ETV6: variants seen among roughly 807,000 people sequenced by gnomAD.
ETV6 encodes ETS variant transcription factor 6, also known as transcription factor ETV6.
In ETV6, 16 loss-of-function variants were observed where a neutral mutation model predicts 51.1. That is an observed-to-expected ratio of 0.31 (90% CI 0.21 to 0.48). The LOEUF (loss-of-function observed/expected upper bound fraction) is 0.48, where lower values mean the gene tolerates loss of function less well. Ranked by LOEUF, ETV6 falls within the 20% of genes least tolerant of loss-of-function variation. ETV6 has a pLI of 0.99. For synonymous variants in ETV6, 240 were observed against 224.1 expected (o/e 1.07, Z -0.64); for missense variants, 458 against 594.8 (o/e 0.77, Z 2.39).
chr12:11,757,511 T>G (rs1369151204), intron 2 of ETV6, among the ~76,000 whole-genome samples: 1 of 152,130 alleles, frequency 6.6e-6, no homozygotes, highest in Non-Finnish European at 1.5e-5. Context: ...GCGCTCATAC[T>G]TATTGTCTCA....
intron 1 of ETV6, among the ~76,000 whole-genome samples, chr12:11,669,089 T>G (rs1420424120): frequency 6.6e-6 from 1 of 152,260 alleles, no homozygotes; most frequent in African/African-American, 2.4e-5. Flanking sequence ...AAAGTTTTCC[T>G]TAAACTTGCT....
chr12:11,752,042 A>T (rs1247208405), intron 1 of ETV6, among the ~76,000 whole-genome samples: 2 of 152,246 alleles, frequency 1.3e-5, no homozygotes, highest in Non-Finnish European at 2.9e-5. Context: ...TTGCTACAGA[A>T]GAGAAAACAT....
At chr12:11,685,279 C>A (rs529502679) in intron 1 of ETV6, among the ~76,000 whole-genome samples, 1 of 146,404 alleles carries the variant, frequency 6.8e-6, no homozygotes, top group Non-Finnish European at 1.5e-5. Flanking sequence ...ACCTTTTGGT[C>A]GATTTGTTGA....
chr12:11,801,015 A>G (rs941302757), intron 2 of ETV6, among the ~76,000 whole-genome samples: 2 of 152,244 alleles, frequency 1.3e-5, no homozygotes, highest in African/African-American at 4.8e-5. Context: ...AAGTAGTATA[A>G]TTACATCATG....
At chr12:11,658,858 A>G (rs1242064019) in intron 1 of ETV6, among the ~76,000 whole-genome samples, 1 of 152,272 alleles carries the variant, frequency 6.6e-6, no homozygotes, top group Non-Finnish European at 1.5e-5. Flanking sequence ...GAGATGAAAG[A>G]AAAGGAAAAA....
chr12:11,743,815 A>G (rs1865855875), intron 1 of ETV6, among the ~76,000 whole-genome samples: 1 of 152,130 alleles, frequency 6.6e-6, no homozygotes, highest in Admixed American at 6.5e-5. Flanking sequence ...TTCCTTTTAC[A>G]AGACTTCCAG....
chr12:11,848,936 G>A (rs1162807628), intron 3 of ETV6, among the ~76,000 whole-genome samples: 3 of 152,204 alleles, frequency 2.0e-5, no homozygotes, highest in African/African-American at 7.2e-5. Context: ...TGGGAAGAGA[G>A]AGAAGATTTA....
At chr12:11,846,509 A>T (rs1310133325) in intron 3 of ETV6, among the ~76,000 whole-genome samples, 3 of 152,360 alleles carry the variant, frequency 2.0e-5, no homozygotes, top group Non-Finnish European at 2.9e-5. Context: ...TTCTGAGAAC[A>T]AGTAGCGTAT....
intron 1 of ETV6, among the ~76,000 whole-genome samples, chr12:11,736,038 AGTT>A (rs1237600060): frequency 6.6e-6 from 1 of 152,242 alleles, no homozygotes; most frequent in African/African-American, 2.4e-5. Flanking sequence ...GTCACATAGT[AGTT>A]GACAATAAAT....
chr12:11,726,881 C>T (rs1865498149), intron 1 of ETV6, among the ~76,000 whole-genome samples: 1 of 152,188 alleles, frequency 6.6e-6, no homozygotes, highest in African/African-American at 2.4e-5. Flanking sequence ...TGTAAGCCAT[C>T]GACACACACA....
intron 5 of ETV6, among the ~76,000 whole-genome samples, chr12:11,879,398 GT>G (rs1202850612): frequency 2.0e-5 from 3 of 152,058 alleles, no homozygotes; most frequent in Non-Finnish European, 4.4e-5. Flanking sequence ...GTCTAGCGTG[GT>G]TTTTTTCTTT....
intron 1 of ETV6, among the ~76,000 whole-genome samples, chr12:11,694,336 G>A (rs1279410256): frequency 2.6e-5 from 4 of 152,196 alleles, no homozygotes; most frequent in East Asian, 1.9e-4. Flanking sequence ...TAAGGGCTAT[G>A]TAAGATGTAA....
At chr12:11,723,394 C>A (rs1434437632) in intron 1 of ETV6, among the ~76,000 whole-genome samples, 1 of 152,178 alleles carries the variant, frequency 6.6e-6, no homozygotes, top group Non-Finnish European at 1.5e-5. Flanking sequence ...TTTCCCATGT[C>A]CTGCTTGCCT....
chr12:11,869,875 CCT>C lies in ETV6; in HGVS notation c.921_922del (p.His308SerfsTer18), dbSNP rs962863191. 1 of 1,612,932 alleles carries C rather than the reference CCT, an allele frequency of 6.2e-7. No homozygotes were observed. Among genetic ancestry groups the C allele is most frequent in the Non-Finnish European group, 8.5e-7 (1 of 1,180,050 alleles). On this transcript the variant is annotated frameshift_variant, in exon 5 of 8. Coordinates refer to ENST00000396373, the MANE Select transcript of ETV6 (RefSeq NM_001987.5). LOFTEE classifies it high-confidence loss of function. The surrounding 1 kb of genome is among the most constrained non-coding windows in gnomAD (Gnocchi z 5.0). ...TGCATAGGGAAGGGAAGCCCATCAA[CCT>C]CTCTCATCGGGAAGACCTGGCTTAC... The part of the protein sequence containing the change: ...GLHREGKPIN[L>X]SHREDLAYMN...
intron 1 of ETV6, among the ~76,000 whole-genome samples, chr12:11,697,288 C>T (rs569319063): frequency 1.7e-3 from 263 of 152,262 alleles, no homozygotes; most frequent in Non-Finnish European, 3.2e-3. Context: ...CTCCTCCATT[C>T]GTGGTTGTAA....
intron 2 of ETV6, among the ~76,000 whole-genome samples, chr12:11,769,507 G>A (rs1252679198): frequency 6.6e-6 from 1 of 152,060 alleles, no homozygotes; most frequent in Non-Finnish European, 1.5e-5. Context: ...TTATTCTTTG[G>A]CACGTGTAGC....
intron 1 of ETV6, among the ~76,000 whole-genome samples, chr12:11,734,077 G>A (rs1480915905): frequency 6.6e-6 from 1 of 152,112 alleles, no homozygotes; most frequent in African/African-American, 2.4e-5. Context: ...CCTGGCAGTG[G>A]CTACTTCTAT....
At position 11,736,125 on chromosome 12, in the gene ETV6, G is replaced by A. The variant is rs80206124; in HGVS notation, c.34-16325G>A. Among the ~76,000 whole-genome samples, 970 of 152,226 alleles carry A rather than the reference G, an allele frequency of 6.4e-3. 6 individuals are homozygous for A. Among genetic ancestry groups the A allele is most frequent in the Middle Eastern group, 0.024 (7 of 294 alleles). On this transcript the variant is annotated intron_variant, in intron 1 of 7. Coordinates refer to ENST00000396373, the MANE Select transcript of ETV6 (RefSeq NM_001987.5). ...CTATAAGCTCCTTAAAGAAGATAGA[G>A]ATTTTCTTTTCTCACTCATTTCCAT...
At chr12:11,721,508 T>C (rs116830525) in intron 1 of ETV6, among the ~76,000 whole-genome samples, 471 of 152,276 alleles carry the variant, frequency 3.1e-3, no homozygotes, top group African/African-American at 0.01. Flanking sequence ...TTCTCACTTA[T>C]AAGTAGGAGC....
Sources: allele counts gnomAD v4.1 joint callset (sites outside exome capture counted in the v4.1 genomes callset), GRCh38; gene constraint gnomAD v4.1.1; non-coding constraint Gnocchi (gnomAD v3.1); transcripts MANE v1.5; gene names NCBI Gene and HGNC (gene_info 2026-07-23, HGNC 2026-07-21).